RSBN1L: variants seen among roughly 807,000 people sequenced by gnomAD.
RSBN1L encodes the protein round spermatid basic protein 1 like, also known as lysine-specific demethylase RSBN1L.
RSBN1L carries 30 observed loss-of-function variants against 67.7 expected under a neutral mutation model. That is an observed-to-expected ratio of 0.44 (90% CI 0.33 to 0.60). RSBN1L has a LOEUF of 0.60. RSBN1L is among the 20% of genes least tolerant of loss of function. The probability of loss-of-function intolerance (pLI) is 0.02; values close to 1 mark genes in which losing one functional copy is unlikely to be tolerated. For synonymous variants in RSBN1L, 433 were observed against 387.0 expected (o/e 1.12, Z -1.39); for missense variants, 992 against 1,031.7 (o/e 0.96, Z 0.53).
At chr7:77,748,061 G>T (rs1412207385) in intron 2 of RSBN1L, among the ~76,000 whole-genome samples, 1 of 152,180 alleles carries the variant, frequency 6.6e-6, no homozygotes, top group Non-Finnish European at 1.5e-5. Context: ...AAATAGTTCA[G>T]TTTGACCAGA....
intron 2 of RSBN1L, among the ~76,000 whole-genome samples, chr7:77,743,663 A>T (rs1213176030): frequency 6.6e-6 from 1 of 150,658 alleles, no homozygotes; most frequent in Non-Finnish European, 1.5e-5. Flanking sequence ...TAAGTGTAGG[A>T]TATTAAATAT....
chr7:77,753,168 G>T (rs1369913026), intron 3 of RSBN1L, among the ~76,000 whole-genome samples: 2 of 152,158 alleles, frequency 1.3e-5, no homozygotes, highest in Non-Finnish European at 2.9e-5. Flanking sequence ...ATATACCTAA[G>T]ATTAGGATTT....
intron 1 of RSBN1L, among the ~76,000 whole-genome samples, chr7:77,727,356 G>A (rs1227379239): frequency 1.3e-5 from 2 of 152,166 alleles, no homozygotes; most frequent in Admixed American, 6.5e-5. Context: ...TGAAGTGCTG[G>A]GATTACAGGC....
chr7:77,766,470 C>T (rs1791767765), intron 4 of RSBN1L, among the ~76,000 whole-genome samples: 1 of 152,100 alleles, frequency 6.6e-6, no homozygotes, highest in Admixed American at 6.5e-5. Context: ...CAGGTGTGAG[C>T]CACTGTGCCC....
chr7:77,749,612 GATAAC>G lies in RSBN1L; in HGVS notation c.897_901del (p.Asn299LysfsTer14). On this transcript the variant is annotated frameshift_variant, in exon 3 of 8. Coordinates refer to ENST00000334955, the MANE Select transcript of RSBN1L (RefSeq NM_198467.3). LOFTEE classifies it high-confidence loss of function. Reference sequence around the variant, plus strand: ...TCAAGCAGCCAAAGGCATCCTAAATGATAACATAAAAGATTACGTTGGGAAGAATT... The same window carrying G: ...TCAAGCAGCCAAAGGCATCCTAAATGATAAAAGATTACGTTGGGAAGAATT... 6.2e-7 allele frequency: 1 copy of G among 1,613,874 alleles called. No homozygotes were observed. Among genetic ancestry groups the G allele is most frequent in the Non-Finnish European group, 8.5e-7 (1 of 1,179,910 alleles).
chr7:77,701,155 A>C (rs545525064), intron 1 of RSBN1L, among the ~76,000 whole-genome samples: 1,467 of 110,746 alleles, frequency 0.013, 11 homozygotes, highest in South Asian at 0.026. Context: ...CTGGCTCAAA[A>C]AAAAAAAAAA....
At chr7:77,747,444 C>A (rs930293815) in intron 2 of RSBN1L, among the ~76,000 whole-genome samples, 2 of 152,174 alleles carry the variant, frequency 1.3e-5, no homozygotes, top group Non-Finnish European at 2.9e-5. Context: ...TGCTGCTCTG[C>A]ACAGCCTCAG....
intron 1 of RSBN1L, among the ~76,000 whole-genome samples, chr7:77,712,769 T>G (rs1233085750): frequency 6.6e-6 from 1 of 151,310 alleles, no homozygotes; most frequent in Non-Finnish European, 1.5e-5. Flanking sequence ...TGATACTGTA[T>G]TGTGGGACAT....
chr7:77,764,316 G>A (rs1296550111), intron 3 of RSBN1L, among the ~76,000 whole-genome samples: 1 of 152,176 alleles, frequency 6.6e-6, no homozygotes, highest in Non-Finnish European at 1.5e-5. Flanking sequence ...GACTCAGCTT[G>A]TTTACTAGTG....
chr7:77,756,811 T>TC (rs1442921325), intron 3 of RSBN1L, among the ~76,000 whole-genome samples: 1 of 152,142 alleles, frequency 6.6e-6, no homozygotes, highest in Admixed American at 6.5e-5. Flanking sequence ...GGTAATGCCA[T>TC]CCTCTAGGTA....
intron 3 of RSBN1L, among the ~76,000 whole-genome samples, chr7:77,761,873 T>A (rs1791701070): frequency 6.6e-6 from 1 of 152,190 alleles, no homozygotes; most frequent in Non-Finnish European, 1.5e-5. Context: ...TTTAATTTTT[T>A]AAATTTGGTC....
At chr7:77,752,664 T>C (rs1452388888) in intron 3 of RSBN1L, among the ~76,000 whole-genome samples, 1 of 152,226 alleles carries the variant, frequency 6.6e-6, no homozygotes, top group African/African-American at 2.4e-5. Context: ...TGAAGTGTAA[T>C]GTATGACATA....
intron 3 of RSBN1L, among the ~76,000 whole-genome samples, chr7:77,764,796 G>A (rs560130372): frequency 6.6e-6 from 1 of 152,002 alleles, no homozygotes; most frequent in South Asian, 2.1e-4. Flanking sequence ...ACACTCGGCT[G>A]ATTTTTTTGT....
chr7:77,722,478 A>G (rs1278029469), intron 1 of RSBN1L, among the ~76,000 whole-genome samples: 1 of 152,184 alleles, frequency 6.6e-6, no homozygotes, highest in African/African-American at 2.4e-5. Flanking sequence ...GGTCCACGGA[A>G]AAAAGGGCTG....
At position 77,742,182 on chromosome 7, in the gene RSBN1L, TACAC is replaced by T. The variant is rs1169498942; in HGVS notation, c.703+5689_703+5692del. ...CCATCTTTAAAAAAAAAAAAAAAAA[TACAC>T]ACACACACACACACACACACACACA... is the stretch of plus-strand genomic sequence containing the variant. On this transcript the variant is annotated intron_variant, in intron 2 of 7. Transcript: ENST00000334955. Among the ~76,000 whole-genome samples, 510 of 80,288 alleles carry T rather than the reference TACAC, an allele frequency of 6.4e-3. 2 individuals are homozygous for T. The highest frequency in any genetic ancestry group is 0.012 in the African/African-American group (214 of 17,144). The allele number at this position is 80,288 out of a possible 152,430, so 52.7% of individuals were successfully genotyped here.
intron 4 of RSBN1L, 96 bp downstream of exon 4, chr7:77,765,728 C>A: frequency 2.2e-6 from 2 of 913,190 alleles, no homozygotes; most frequent in South Asian, 4.6e-5. Context: ...TTCTTTCATG[C>A]TACATGCAAT....
chr7:77,744,673 C>G (rs994263159), intron 2 of RSBN1L, among the ~76,000 whole-genome samples: 13 of 151,946 alleles, frequency 8.6e-5, no homozygotes, highest in Non-Finnish European at 1.8e-4. Flanking sequence ...CTGCCTCGGC[C>G]TCCCAAAGTG....
At chr7:77,743,867 G>T (rs1186271206) in intron 2 of RSBN1L, among the ~76,000 whole-genome samples, 3 of 150,932 alleles carry the variant, frequency 2.0e-5, no homozygotes, top group Non-Finnish European at 4.4e-5. Context: ...TTTCATTTTG[G>T]TTAGTCCCCT....
At chr7:77,729,909 A>G (rs1791252589) in intron 1 of RSBN1L, among the ~76,000 whole-genome samples, 1 of 152,152 alleles carries the variant, frequency 6.6e-6, no homozygotes, top group South Asian at 2.1e-4. Context: ...AGCTGTGGTC[A>G]TGCCACTGCA....
Sources: gnomAD v4.1 joint callset for allele counts (sites outside exome capture counted in the v4.1 genomes callset) on GRCh38, gnomAD v4.1.1 for gene constraint, MANE v1.5 for transcripts, NCBI Gene and HGNC (gene_info 2026-07-23, HGNC 2026-07-21) for gene names.